Variants in MAP3K15 observed in about 807,000 individuals in gnomAD.
The protein encoded by MAP3K15 is mitogen-activated protein kinase kinase kinase 15.
Under a neutral mutation model 99.5 loss-of-function variants are expected in MAP3K15, and 124 were observed. That is an observed-to-expected ratio of 1.25 (90% confidence interval 1.08 to 1.45). The LOEUF (loss-of-function observed/expected upper bound fraction) is 1.45, where lower values mean the gene tolerates loss of function less well. Among genes scored for constraint, MAP3K15 ranks in the 40% most tolerant of loss-of-function variants. The pLI is 0.00. For synonymous variants in MAP3K15, 494 were observed against 439.6 expected (o/e 1.12, Z -1.55); for missense variants, 1,242 against 1,079.7 (o/e 1.15, Z -2.11).
intron 4 of MAP3K15, among the ~76,000 whole-genome samples, chrX:19,462,581 G>A (rs1380260199): frequency 1.0e-5 from 1 of 95,895 alleles, no homozygotes; most frequent in Admixed American, 1.0e-4. Context: ...AGAAACCTAA[G>A]AAGAACAGTA....
At chrX:19,382,135 C>T (rs1231890865) in intron 18 of MAP3K15, among the ~76,000 whole-genome samples, 1 of 109,053 alleles carries the variant, frequency 9.2e-6, no homozygotes, top group Admixed American at 9.8e-5. Context: ...TGCCTGTAAT[C>T]CCAGCTACTC....
rs767209000 is a variant in MAP3K15, at chrX:19,382,061, A to T, written c.2432-1784T>A. On this transcript the variant is annotated intron_variant, in intron 18 of 28. Coordinates refer to ENST00000338883, the MANE Select transcript of MAP3K15 (RefSeq NM_001001671.4). ...GAAGTTCGAGACCAGCCTGGCCAAC[A>T]TGGCGAAACCCCGTCTCTACTAAAA... Among the ~76,000 whole-genome samples, 12 of 111,066 alleles carry T rather than the reference A, an allele frequency of 1.1e-4. No homozygotes were observed. The South Asian group carries it at 4.2e-3, about 39-fold the overall frequency.
chrX:19,361,087 G>A (rs768422526), intron 28 of MAP3K15: 89 of 418,216 alleles, frequency 2.1e-4, no homozygotes, highest in Non-Finnish European at 3.1e-4. Flanking sequence ...GTGCAGGCAC[G>A]CTTGCCATGT....
At chrX:19,434,795 T>C (rs1195159085) in intron 6 of MAP3K15, among the ~76,000 whole-genome samples, 1 of 111,920 alleles carries the variant, frequency 8.9e-6, no homozygotes, top group African/African-American at 3.2e-5. Flanking sequence ...CCAGCGGGCA[T>C]TAGGACTTAA....
Position 19,431,505 on chromosome X carries a change from T to A in MAP3K15, c.1099A>T (p.Ile367Phe). 2 of 1,200,087 alleles carry A rather than the reference T, an allele frequency of 1.7e-6. No homozygotes were observed. Among genetic ancestry groups the A allele is most frequent in the Non-Finnish European group, 2.2e-6 (2 of 895,010 alleles). The part of the protein sequence containing the change: ...GPDMFCLCGR[I>F]YKDIFLDSDC... ...GAATCCAAGAAGATGTCCTTGTAGA[T>A]CCTCCCACACAGGCAGAACATGTCG... Residue 367 changes from isoleucine (I) to phenylalanine (F), a missense_variant, in exon 7 of 29, where the codon ATC becomes TTC. Coordinates refer to ENST00000338883, the MANE Select transcript of MAP3K15 (RefSeq NM_001001671.4).
intron 28 of MAP3K15, 160 bp downstream of exon 28, chrX:19,361,179 C>T: frequency 2.2e-6 from 1 of 450,974 alleles, no homozygotes. Flanking sequence ...CTGACTTCTG[C>T]CTGGCTTTCA....
chrX:19,426,966 G>T (rs1214791400), intron 7 of MAP3K15, among the ~76,000 whole-genome samples: 1 of 108,300 alleles, frequency 9.2e-6, no homozygotes, highest in African/African-American at 3.4e-5. Context: ...GTACACAAAA[G>T]AAATTTAAAA....
At chrX:19,462,331 T>C (rs989101983) in intron 4 of MAP3K15, among the ~76,000 whole-genome samples, 2 of 111,871 alleles carry the variant, frequency 1.8e-5, no homozygotes, top group Non-Finnish European at 3.8e-5. Flanking sequence ...TAGTTTTCTA[T>C]TTCCTTTTTT....
chrX:19,392,877 T>A (rs186126035), intron 16 of MAP3K15, among the ~76,000 whole-genome samples: 147 of 110,380 alleles, frequency 1.3e-3, no homozygotes, highest in African/African-American at 4.7e-3. Flanking sequence ...TCATTCTGCT[T>A]GGGTTAAAGC....
At chrX:19,455,363 A>C (rs1271436464) in intron 6 of MAP3K15, among the ~76,000 whole-genome samples, 1 of 90,927 alleles carries the variant, frequency 1.1e-5, no homozygotes, top group Non-Finnish European at 2.1e-5. Context: ...TTTTTTTTTG[A>C]AACAGGGTCT....
At chrX:19,368,303 T>G (rs1188222066) in intron 25 of MAP3K15, among the ~76,000 whole-genome samples, 3 of 111,398 alleles carry the variant, frequency 2.7e-5, no homozygotes, top group South Asian at 3.7e-4. Flanking sequence ...CCACCATACC[T>G]GGCTAATTTT....
chrX:19,394,063 GTGCCTGGCTGAC>G (rs1335271509), intron 16 of MAP3K15, among the ~76,000 whole-genome samples: 3 of 108,720 alleles, frequency 2.8e-5, no homozygotes, highest in African/African-American at 1.0e-4. Flanking sequence ...CGTGACCACT[GTGCCTGGCTGAC>G]TGCCTGGCTC....
At chrX:19,420,352 G>T (rs1210905684) in intron 9 of MAP3K15, among the ~76,000 whole-genome samples, 1 of 111,556 alleles carries the variant, frequency 9.0e-6, no homozygotes, top group African/African-American at 3.3e-5. Flanking sequence ...TGATAAAGGG[G>T]ATATCACCAC....
In MAP3K15 at chrX:19,456,349, C is replaced by T. The variant is rs186203499; in HGVS notation, c.995+564G>A. The stretch of plus-strand genomic sequence containing the variant: ...CACACAACCGCATAGATGAATCTCG[C>T]GAACACGACGATGAATGACACAAAA... On this transcript the variant is annotated intron_variant, in intron 6 of 28. Coordinates refer to ENST00000338883, the MANE Select transcript of MAP3K15 (RefSeq NM_001001671.4). Among the ~76,000 whole-genome samples, 966 of 111,366 alleles carry T rather than the reference C, an allele frequency of 8.7e-3. 51 individuals carry two copies. The highest frequency in any genetic ancestry group is 0.077 in the Admixed American group (805 of 10,408).
intron 9 of MAP3K15, among the ~76,000 whole-genome samples, chrX:19,425,279 C>G (rs1019058519): frequency 8.1e-5 from 9 of 111,482 alleles, no homozygotes; most frequent in African/African-American, 2.6e-4. Flanking sequence ...CTCTTGAGGA[C>G]CTAGACAACC....
chrX:19,515,067 G>A lies in MAP3K15; in HGVS notation c.195C>T (p.Tyr65=). The A allele has an allele frequency of 1.1e-6, 1 of 949,995 alleles. No homozygotes were observed. Among genetic ancestry groups the A allele is most frequent in the Admixed American group, 3.8e-5 (1 of 26,516 alleles). The allele number at this position is 949,995 out of a possible 1,213,427, so 78.3% of individuals were successfully genotyped here. ...GGPRRALRAV[Y]VRSESSQGGA... ...CGCCCTGGGAGCTCTCACTGCGCAC[G>A]TATACTGCCCGCAGAGCCCGCCGCG... Residue 65 remains tyrosine, a synonymous_variant, in exon 1 of 29, where the codon TAC becomes TAT. Transcript: ENST00000338883.
chrX:19,413,485 T>C (rs1440126596), intron 10 of MAP3K15, 21 bp from the exon 11 acceptor site: 1 of 1,123,453 alleles, frequency 8.9e-7, no homozygotes. Flanking sequence ...AACAGATGCC[T>C]GTTAACGTAC....
At chrX:19,382,996 T>C (rs1029203297) in intron 18 of MAP3K15, among the ~76,000 whole-genome samples, 20 of 111,684 alleles carry the variant, frequency 1.8e-4, no homozygotes, top group Admixed American at 5.7e-4. Context: ...AGACCTGCTG[T>C]GTGCTTGCTG....
chrX:19,414,390 T>A, intron 10 of MAP3K15: 1 of 243,008 alleles, frequency 4.1e-6, no homozygotes, highest in Non-Finnish European at 5.8e-6. Context: ...ATCATAATCA[T>A]TTCAAACAAT....
Sources: gnomAD v4.1 joint callset for allele counts (sites outside exome capture counted in the v4.1 genomes callset) on GRCh38, gnomAD v4.1.1 for gene constraint, MANE v1.5 for transcripts, NCBI Gene and HGNC (gene_info 2026-07-23, HGNC 2026-07-21) for gene names.